Variants in CHAT observed in about 807,000 individuals in gnomAD.
CHAT encodes the protein acetyl CoA:choline O-acetyltransferase.
In CHAT, 61 loss-of-function variants were observed where a neutral mutation model predicts 76.9. The observed-to-expected ratio is 0.79, with a 90% CI of 0.65 to 0.98. The LOEUF is 0.98. Ranked by LOEUF, CHAT falls within the 50% of genes least tolerant of loss-of-function variation. CHAT has a pLI of 0.00. For missense variants in CHAT, 946 were observed against 986.9 expected (o/e 0.96, Z 0.56); for synonymous variants, 407 against 397.4 (o/e 1.02, Z -0.29).
At chr10:49,632,831 C>T (rs1590586129) in intron 7 of CHAT, among the ~76,000 whole-genome samples, 2 of 152,312 alleles carry the variant, frequency 1.3e-5, no homozygotes, top group South Asian at 2.1e-4. Context: ...ATGAGGCCCA[C>T]AGGGTTCCAG....
Position 49,625,528 on chromosome 10 carries a change from A to C in CHAT, c.808A>C (p.Met270Leu). 6.2e-7 allele frequency: 1 copy of C among 1,613,590 alleles called. No homozygotes were observed. Among genetic ancestry groups the C allele is most frequent in the Non-Finnish European group, 8.5e-7 (1 of 1,180,006 alleles). The change falls in exon 6 of 15, where the codon ATG (methionine) becomes CTG (leucine). Residue 270 changes from methionine to leucine, a missense_variant. By Grantham distance (15) the Met-to-Leu change is conservative (BLOSUM62 2). Transcript: ENST00000337653. ...KGQLSGQPLC[M>L]KQYYGLFSSY... ...CCAGCTGTCAGGGCAGCCCCTTTGC[A>C]TGAAGCAATACTATGGGCTCTTCTC...
chr10:49,618,378 G>A (rs1838576221), intron 2 of CHAT, among the ~76,000 whole-genome samples: 1 of 152,122 alleles, frequency 6.6e-6, no homozygotes, highest in South Asian at 2.1e-4. Context: ...CCTATGAAAG[G>A]CAGGGTTTGC....
upstream of CHAT, chr10:49,611,665 G>A: frequency 1.2e-6 from 2 of 1,611,594 alleles, no homozygotes; most frequent in East Asian, 2.2e-5. Flanking sequence ...CGCCTTCCTC[G>A]AACCCACCAT....
chr10:49,632,929 C>T (rs776822500), intron 7 of CHAT, among the ~76,000 whole-genome samples: 23 of 152,238 alleles, frequency 1.5e-4, no homozygotes, highest in African/African-American at 4.8e-4. Context: ...GGCTCAGACA[C>T]GGTGCAGGAG....
intron 13 of CHAT, 42 bp downstream of exon 13, chr10:49,655,490 G>A (rs1445675685): frequency 1.9e-6 from 3 of 1,588,180 alleles, no homozygotes; most frequent in East Asian, 4.5e-5. Context: ...CACTTGAGCT[G>A]TGCCTGGGGC....
At chr10:49,656,932 A>T (rs1840053287) in intron 13 of CHAT, among the ~76,000 whole-genome samples, 1 of 152,166 alleles carries the variant, frequency 6.6e-6, no homozygotes, top group Admixed American at 6.5e-5. Context: ...GACTGCACAC[A>T]GGGTTACTGT....
At position 49,651,842 on chromosome 10, in the gene CHAT, G is replaced by C. The variant is rs764097143; in HGVS notation, c.1512-42G>C. ...GGGAAACCCCAGATGCATGCATACT[G>C]TTTTGCATGCAATAAAAACATCTTT... On this transcript the variant is annotated intron_variant, in intron 10 of 14. Transcript: ENST00000337653. 6 of 1,589,666 alleles carry C rather than the reference G, an allele frequency of 3.8e-6. No homozygotes were observed. In the South Asian group the frequency reaches 4.5e-5, roughly 12 times the overall value.
intron 10 of CHAT, among the ~76,000 whole-genome samples, chr10:49,650,439 G>A (rs1423981047): frequency 6.6e-6 from 1 of 152,170 alleles, no homozygotes; most frequent in African/African-American, 2.4e-5. Context: ...GGACTGTGAG[G>A]GAGGGCCTTG....
intron 7 of CHAT, among the ~76,000 whole-genome samples, chr10:49,633,833 C>T (rs1392937071): frequency 6.6e-6 from 1 of 152,118 alleles, no homozygotes; most frequent in South Asian, 2.1e-4. Flanking sequence ...TACACAGTCC[C>T]GTAAATATTT....
chr10:49,629,391 AG>A (rs1222945170), intron 7 of CHAT, among the ~76,000 whole-genome samples: 1 of 152,230 alleles, frequency 6.6e-6, no homozygotes, highest in Non-Finnish European at 1.5e-5. Context: ...GAGGGGTGTG[AG>A]AGCTGACTGC....
chr10:49,628,505 G>GC (rs546751346), intron 7 of CHAT, among the ~76,000 whole-genome samples: 1 of 152,152 alleles, frequency 6.6e-6, no homozygotes, highest in Non-Finnish European at 1.5e-5. Context: ...GTTACTGAGG[G>GC]CCCTGGGCTT....
intron 10 of CHAT, among the ~76,000 whole-genome samples, chr10:49,650,246 C>T (rs1839832940): frequency 6.6e-6 from 1 of 152,008 alleles, no homozygotes. Context: ...CTCTGGTGTG[C>T]ACCCGGCCCG....
intron 11 of CHAT, among the ~76,000 whole-genome samples, chr10:49,652,212 C>G (rs1297027179): frequency 6.6e-6 from 1 of 152,206 alleles, no homozygotes. Flanking sequence ...CATCAGGGAA[C>G]TGCCTGGGTG....
At chr10:49,646,308 G>C (rs915406048) in intron 7 of CHAT, among the ~76,000 whole-genome samples, 197 bp from the exon 8 acceptor site, 1 of 152,224 alleles carries the variant, frequency 6.6e-6, no homozygotes, top group Admixed American at 6.5e-5. Flanking sequence ...CCTGGGGTAG[G>C]ACAGAGGCTC....
In CHAT at chr10:49,664,824, A is replaced by G. The variant is rs1840302467; in HGVS notation, c.2025A>G (p.Pro675=). The G allele has an allele frequency of 2.0e-5, 32 of 1,614,202 alleles. No homozygotes were observed. The highest frequency in any genetic ancestry group is 2.7e-5 in the Non-Finnish European group (32 of 1,180,028). Residue 675 remains proline, a synonymous_variant, in exon 15 of 15, where the codon CCA becomes CCG. Transcript: ENST00000337653. The part of the protein sequence containing the change: ...EMFCCYGPVV[P]NGYGACYNPQ... ...TCTGCTGCTATGGTCCTGTGGTCCCAAATGGGTATGGTGCCTGCTACAACC... is the reference window on the plus strand; with the variant it reads ...TCTGCTGCTATGGTCCTGTGGTCCCGAATGGGTATGGTGCCTGCTACAACC...
At position 49,666,923 on chromosome 10, in the gene CHAT, C is replaced by T. The variant is rs956898728; in HGVS notation, c.*1877C>T. On this transcript the variant is annotated 3_prime_UTR_variant, in exon 15 of 15. Coordinates refer to ENST00000337653, the MANE Select transcript of CHAT (RefSeq NM_020549.5). ...CTCTCCAAGTGACCACAGTGCAGAT[C>T]TGAGTTCTCCTCCGGTTCCTTTCCC... Among the ~76,000 whole-genome samples, 3 of 152,206 alleles carry T rather than the reference C, an allele frequency of 2.0e-5. No homozygotes were observed. Among genetic ancestry groups the T allele is most frequent in the African/African-American group, 7.2e-5 (3 of 41,436 alleles).
intron 11 of CHAT, among the ~76,000 whole-genome samples, chr10:49,652,998 C>T (rs890658640): frequency 3.3e-5 from 5 of 152,072 alleles, no homozygotes; most frequent in Non-Finnish European, 7.4e-5. Context: ...TTTTCTTTTT[C>T]TTTCAGGCAG....
intron 7 of CHAT, among the ~76,000 whole-genome samples, chr10:49,630,971 AT>A (rs1290094718): frequency 6.6e-6 from 1 of 152,182 alleles, no homozygotes; most frequent in Non-Finnish European, 1.5e-5. Context: ...ACTTGATAAG[AT>A]TTATGGACTG....
intron 7 of CHAT, among the ~76,000 whole-genome samples, chr10:49,643,788 T>C (rs6537542): frequency 0.99 from 150,489 of 152,338 alleles, 74,364 homozygotes; most frequent in Middle Eastern, 1. Flanking sequence ...CCAGCCCTAC[T>C]TTGCCCAGGC....
Sources: gnomAD v4.1 joint callset for allele counts (sites outside exome capture counted in the v4.1 genomes callset) on GRCh38, gnomAD v4.1.1 for gene constraint, MANE v1.5 for transcripts, NCBI Gene and HGNC (gene_info 2026-07-23, HGNC 2026-07-21) for gene names.